The following TDP1 variants were observed in gnomAD, a reference collection of about 807,000 sequenced individuals.
TDP1 encodes tyrosyl-DNA phosphodiesterase 1.
In TDP1, 64 loss-of-function variants were observed where a neutral mutation model predicts 81.5. The observed-to-expected ratio is 0.79, with a 90% CI of 0.64 to 0.97. The LOEUF (loss-of-function observed/expected upper bound fraction) is 0.97. TDP1 is among the 50% of genes least tolerant of loss of function. The probability of loss-of-function intolerance (pLI) is 0.00; values close to 1 mark genes in which losing one functional copy is unlikely to be tolerated. For synonymous variants in TDP1, 256 were observed against 264.3 expected (o/e 0.97, Z 0.30); for missense variants, 723 against 743.8 (o/e 0.97, Z 0.33).
At chr14:90,033,045 GTTT>G in intron 15 of TDP1, 58 bp from the exon 16 acceptor site, 1 of 1,025,466 alleles carries the variant, frequency 9.8e-7, no homozygotes, top group South Asian at 1.6e-5. Flanking sequence ...AGGCCTTCTG[GTTT>G]TTTTTTTTAA....
chr14:90,032,972 T>C, intron 15 of TDP1, 134 bp from the exon 16 acceptor site: 2 of 1,162,588 alleles, frequency 1.7e-6, no homozygotes, highest in South Asian at 2.9e-5. Context: ...CTATGAACAT[T>C]GAAAATACCT....
chr14:89,998,387 T>C (rs1297425769), intron 14 of TDP1, among the ~76,000 whole-genome samples: 2 of 60,026 alleles, frequency 3.3e-5, no homozygotes, highest in Non-Finnish European at 5.7e-5. Context: ...TATATATATA[T>C]ATATATATAT....
chr14:89,966,202 T>C lies in TDP1; in HGVS notation c.603+12T>C. ...TTTCTTCAGCTCAGGTGAGTATACC[T>C]TTAAGCTGTTTTTTCTTTGGGTGAA... On this transcript the variant is annotated intron_variant, in intron 4 of 16. Transcript: ENST00000335725. 6.3e-7 allele frequency: 1 copy of C among 1,575,170 alleles called. No individual in the cohort carries two copies. Among genetic ancestry groups the C allele is most frequent in the Non-Finnish European group, 8.7e-7 (1 of 1,144,942 alleles).
At chr14:89,967,629 C>T (rs889299834) in intron 5 of TDP1, among the ~76,000 whole-genome samples, 1 of 152,130 alleles carries the variant, frequency 6.6e-6, no homozygotes, top group African/African-American at 2.4e-5. Flanking sequence ...TTAGCATTTT[C>T]CTCTGTGCTC....
chr14:89,982,013 G>A (rs1173723204), intron 8 of TDP1, among the ~76,000 whole-genome samples: 1 of 152,020 alleles, frequency 6.6e-6, no homozygotes, highest in South Asian at 2.1e-4. Flanking sequence ...CCTTCAACAG[G>A]TCTTGCTTCA....
intron 14 of TDP1, among the ~76,000 whole-genome samples, chr14:90,016,542 A>T (rs1329440266): frequency 2.0e-5 from 3 of 152,198 alleles, no homozygotes; most frequent in Non-Finnish European, 4.4e-5. Flanking sequence ...ATGGGTTTCC[A>T]TCCTCACAGT....
At chr14:89,958,940 T>G (rs1451096713) in intron 2 of TDP1, among the ~76,000 whole-genome samples, 1 of 152,250 alleles carries the variant, frequency 6.6e-6, no homozygotes, top group Non-Finnish European at 1.5e-5. Context: ...ATAAGATACC[T>G]TCTGTTGATG....
At chr14:89,982,753 G>A (rs1194884578) in intron 8 of TDP1, among the ~76,000 whole-genome samples, 1 of 152,192 alleles carries the variant, frequency 6.6e-6, no homozygotes, top group Admixed American at 6.5e-5. Context: ...ATCTTCCTCT[G>A]GCAGCCATCC....
chr14:89,979,619 T>C (rs1221384342), intron 7 of TDP1, among the ~76,000 whole-genome samples: 2 of 152,110 alleles, frequency 1.3e-5, no homozygotes, highest in Non-Finnish European at 2.9e-5. Flanking sequence ...GCAAAATGTA[T>C]TTTTGCATTT....
Position 89,979,724 on chromosome 14 carries a change from G to A in TDP1, c.792-816G>A, listed in dbSNP as rs558718325. On this transcript the variant is annotated intron_variant, in intron 7 of 16. Transcript: ENST00000335725. The stretch of plus-strand genomic sequence containing the variant: ...TGAATGGCTTACCTAGGGTCAAAGG[G>A]CTTCTAAATGACAAAGTCTGGAGCT... Among the ~76,000 whole-genome samples the A allele has an allele frequency of 9.2e-5, 14 of 152,262 alleles. No homozygotes were observed. The South Asian group carries it at 2.9e-3, about 32-fold the overall frequency.
intron 3 of TDP1, among the ~76,000 whole-genome samples, chr14:89,965,470 A>G (rs1336306085): frequency 6.6e-6 from 1 of 152,212 alleles, no homozygotes; most frequent in East Asian, 1.9e-4. Context: ...GGAAGTGCCA[A>G]GAGTGCTGCC....
intron 16 of TDP1, among the ~76,000 whole-genome samples, chr14:90,038,373 T>G (rs1888026558): frequency 6.6e-6 from 1 of 152,206 alleles, no homozygotes; most frequent in Non-Finnish European, 1.5e-5. Flanking sequence ...ATTCTCCCAC[T>G]GCCTTATTAA....
intron 5 of TDP1, among the ~76,000 whole-genome samples, chr14:89,968,677 T>C (rs1893232820): frequency 6.6e-6 from 1 of 152,258 alleles, no homozygotes; most frequent in Admixed American, 6.5e-5. Context: ...ACAAGCAGTT[T>C]CTGCCTTGGC....
At position 89,963,397 on chromosome 14, in the gene TDP1, G is replaced by A; in HGVS notation, c.283G>A (p.Glu95Lys). 1 of 1,614,182 alleles carries A rather than the reference G, an allele frequency of 6.2e-7. No homozygotes were observed. Among genetic ancestry groups the A allele is most frequent in the South Asian group, 1.1e-5 (1 of 91,084 alleles). Residue 95 changes from glutamate to lysine, a missense_variant, in exon 3 of 17, where the codon GAG becomes AAG. Glu to Lys is a moderately conservative substitution (Grantham distance 56). Coordinates refer to ENST00000335725, the MANE Select transcript of TDP1 (RefSeq NM_018319.4). ...LGWCLSSSDD[E>K]LQPEMPQKQA... is the part of the protein sequence containing the mutation. The stretch of plus-strand genomic sequence containing the variant: ...CTGGTGTCTGTCCAGCAGTGATGAT[G>A]AGCTGCAACCAGAAATGCCGCAGAA...
In TDP1 at chr14:90,043,479, T is replaced by C. The variant is rs1281393525; in HGVS notation, c.*336T>C. 2 of 411,302 alleles carry C rather than the reference T, an allele frequency of 4.9e-6. No homozygotes were observed. The highest frequency in any genetic ancestry group is 9.0e-6 in the Non-Finnish European group (2 of 223,136). 25.5% of individuals were successfully genotyped at this position (411,302 alleles called of 1,614,324 possible). A position where few individuals can be genotyped will look rare whatever the true frequency, so the allele number is the denominator to read the frequency against. ...TGGATTTTTTTGAATTTTGGAATAT[T>C]TGCATAGCATAATGAGATATCTTGG... On this transcript the variant is annotated 3_prime_UTR_variant, in exon 17 of 17. Coordinates refer to ENST00000335725, the MANE Select transcript of TDP1 (RefSeq NM_018319.4).
Position 90,043,278 on chromosome 14 carries a change from T to C in TDP1, c.*135T>C, listed in dbSNP as rs1566938109. On this transcript the variant is annotated 3_prime_UTR_variant, in exon 17 of 17. Transcript: ENST00000335725. ...AAAATCTTTCCAAAGGTCACTCTTA[T>C]GAATGGATGTTGGTTATACTTTTAA... 27 of 976,030 alleles carry C rather than the reference T, an allele frequency of 2.8e-5. No individual in the cohort carries two copies. The East Asian group carries it at 4.4e-4, about 16-fold the overall frequency. 60.5% of individuals were successfully genotyped at this position (976,030 alleles called of 1,614,324 possible). A position where few individuals can be genotyped will look rare whatever the true frequency, so the allele number is the denominator to read the frequency against.
intron 12 of TDP1, 148 bp downstream of exon 12, chr14:89,989,913 A>T: frequency 1.4e-6 from 1 of 712,788 alleles, no homozygotes; most frequent in South Asian, 1.6e-5. Context: ...GAAGCTCTGC[A>T]TTCCGCAGAT....
intron 10 of TDP1, among the ~76,000 whole-genome samples, chr14:89,986,443 C>T (rs1193266399): frequency 6.6e-6 from 1 of 152,252 alleles, no homozygotes; most frequent in Non-Finnish European, 1.5e-5. Flanking sequence ...GTCTTCAGTG[C>T]ACATACACAG....
intron 15 of TDP1, among the ~76,000 whole-genome samples, chr14:90,027,140 A>C (rs1034485517): frequency 6.6e-6 from 1 of 152,060 alleles, no homozygotes; most frequent in African/African-American, 2.4e-5. Flanking sequence ...TGACTTTTTA[A>C]TGATCGCCAT....
Sources: gnomAD v4.1 joint callset for allele counts (sites outside exome capture counted in the v4.1 genomes callset) on GRCh38, gnomAD v4.1.1 for gene constraint, MANE v1.5 for transcripts, NCBI Gene and HGNC (gene_info 2026-07-23, HGNC 2026-07-21) for gene names.